The following RAI14 variants were observed in gnomAD, a reference collection of about 807,000 sequenced individuals.
RAI14 encodes retinoic acid induced 14.
RAI14 carries 45 observed loss-of-function variants against 115.4 expected under a neutral mutation model. That is an observed-to-expected ratio of 0.39 (90% CI 0.31 to 0.50). RAI14 has a LOEUF of 0.50. Among genes scored for constraint, RAI14 ranks in the 20% least tolerant of loss-of-function variants. The pLI is 0.85. For synonymous variants in RAI14, 371 were observed against 415.4 expected, an observed-to-expected ratio of 0.89 and a Z score of 1.30; for missense variants, 939 against 1,131.2, an observed-to-expected ratio of 0.83 and a Z score of 2.44.
chr5:34,770,098 G>T (rs1749957096), intron 3 of RAI14, among the ~76,000 whole-genome samples: 1 of 152,180 alleles, frequency 6.6e-6, no homozygotes, highest in Non-Finnish European at 1.5e-5. Flanking sequence ...CATCTCCCGG[G>T]TAGGGGAGCT....
chr5:34,788,338 T>A (rs1752557276), intron 3 of RAI14, among the ~76,000 whole-genome samples: 1 of 152,092 alleles, frequency 6.6e-6, no homozygotes, highest in Non-Finnish European at 1.5e-5. Flanking sequence ...AGAATCTCCC[T>A]CCTCTCCTTC....
At chr5:34,686,077 T>C (rs1327051322) in intron 1 of RAI14, among the ~76,000 whole-genome samples, 1 of 152,060 alleles carries the variant, frequency 6.6e-6, no homozygotes, top group East Asian at 1.9e-4. Context: ...GAAAAATAAA[T>C]AGGGAATGAG....
chr5:34,774,962 C>T (rs1230859056), intron 3 of RAI14, among the ~76,000 whole-genome samples: 1 of 152,076 alleles, frequency 6.6e-6, no homozygotes, highest in Non-Finnish European at 1.5e-5. Context: ...GAAACAAATC[C>T]ATACATCTAC....
At chr5:34,673,972 G>C (rs573444773) in intron 1 of RAI14, among the ~76,000 whole-genome samples, 18 of 152,230 alleles carry the variant, frequency 1.2e-4, no homozygotes, top group African/African-American at 3.6e-4. Context: ...GGGTGGGGAG[G>C]GTAGGAGGGA....
chr5:34,672,599 G>C (rs1743695568), intron 1 of RAI14, among the ~76,000 whole-genome samples: 1 of 152,188 alleles, frequency 6.6e-6, no homozygotes, highest in African/African-American at 2.4e-5. Context: ...GCAGTGTTCT[G>C]TGACAGAAAA....
intron 3 of RAI14, among the ~76,000 whole-genome samples, chr5:34,772,593 G>A (rs995830202): frequency 5.9e-5 from 9 of 152,274 alleles, no homozygotes; most frequent in Admixed American, 3.3e-4. Flanking sequence ...TTATTCAACT[G>A]CCTCAGATTG....
intron 2 of RAI14, among the ~76,000 whole-genome samples, chr5:34,705,799 C>T (rs1385218552): frequency 1.3e-5 from 2 of 152,156 alleles, no homozygotes; most frequent in African/African-American, 2.4e-5. Flanking sequence ...AGACATGCAC[C>T]ACCACATCCG....
At chr5:34,784,095 G>A (rs987858427) in intron 3 of RAI14, among the ~76,000 whole-genome samples, 24 of 152,216 alleles carry the variant, frequency 1.6e-4, no homozygotes, top group East Asian at 9.6e-4. Flanking sequence ...CAAGTTGGGC[G>A]TCGCTGGATA....
chr5:34,688,196 T>A lies in RAI14; in HGVS notation c.36+1241T>A, dbSNP rs778052191. The A allele has an allele frequency of 1.1e-5, 17 of 1,550,762 alleles. No individual in the cohort carries two copies. In the South Asian group the frequency reaches 2.0e-4, roughly 19 times the overall value. On this transcript the variant is annotated intron_variant, in intron 2 of 17. Transcript: ENST00000265109. ...TCCTTCAACCTCATCGTCTGCTGGC[T>A]GTATGTTATGCAGCCTACATATCTC...
chr5:34,695,473 T>A (rs901545732), intron 2 of RAI14, among the ~76,000 whole-genome samples: 1 of 152,240 alleles, frequency 6.6e-6, no homozygotes, highest in African/African-American at 2.4e-5. Context: ...TGCAGTGTGC[T>A]AGCCACTGCC....
chr5:34,752,723 G>GTC (rs1747225086), intron 2 of RAI14, among the ~76,000 whole-genome samples: 1 of 108,814 alleles, frequency 9.2e-6, no homozygotes, highest in African/African-American at 3.8e-5. Flanking sequence ...GTGTGTGTGT[G>GTC]TGTGTGTGTG....
In RAI14 at chr5:34,781,647, T is replaced by C. The variant is rs139815222; in HGVS notation, c.168-14292T>C. 1.8e-3 allele frequency among the ~76,000 whole-genome samples: 268 copies of C among 152,322 alleles called. 1 individual carries two copies. Among genetic ancestry groups the C allele is most frequent in the African/African-American group, 5.8e-3 (243 of 41,574 alleles). ...AGCTCTCATGAATTGCTGATAGAGA[T>C]GTTAAATGGTGCAGCAGCTTTAGAA... On this transcript the variant is annotated intron_variant, in intron 3 of 17. Coordinates refer to ENST00000265109, the MANE Select transcript of RAI14 (RefSeq NM_015577.3).
intron 14 of RAI14, among the ~76,000 whole-genome samples, chr5:34,822,168 A>T (rs967038838): frequency 2.0e-4 from 30 of 147,440 alleles, no homozygotes; most frequent in African/African-American, 7.1e-4. Flanking sequence ...TATGCATAGA[A>T]TGATGCATAA....
intron 2 of RAI14, among the ~76,000 whole-genome samples, chr5:34,706,671 G>GTATAGTTT (rs1206828232): frequency 6.6e-6 from 1 of 152,148 alleles, no homozygotes; most frequent in Non-Finnish European, 1.5e-5. Flanking sequence ...TTCCTGATCT[G>GTATAGTTT]TATAGTTTAT....
chr5:34,709,736 A>G (rs1741162235), intron 2 of RAI14, among the ~76,000 whole-genome samples: 1 of 152,170 alleles, frequency 6.6e-6, no homozygotes, highest in Admixed American at 6.6e-5. Context: ...TGGGTTGGGT[A>G]TTACTTAGGC....
At chr5:34,795,588 A>T (rs1753417222) in intron 3 of RAI14, among the ~76,000 whole-genome samples, 1 of 152,228 alleles carries the variant, frequency 6.6e-6, no homozygotes, top group Non-Finnish European at 1.5e-5. Flanking sequence ...ATTGATAAAG[A>T]CATATTACTT....
At chr5:34,675,187 T>C (rs1743893372) in intron 1 of RAI14, among the ~76,000 whole-genome samples, 1 of 152,174 alleles carries the variant, frequency 6.6e-6, no homozygotes, top group Non-Finnish European at 1.5e-5. Context: ...GAGCCTCCCG[T>C]GCCCAGGCCA....
chr5:34,765,143 T>G (rs552287679), intron 3 of RAI14, among the ~76,000 whole-genome samples: 3 of 152,340 alleles, frequency 2.0e-5, no homozygotes, highest in Admixed American at 1.3e-4. Flanking sequence ...CAATTAAACC[T>G]CTTTTTCTTC....
In RAI14 at chr5:34,713,863, T is replaced by C. The variant is rs562834092; in HGVS notation, c.36+26908T>C. ...CTCTGTCACCCAGGCTGGAGTGCAA[T>C]GGCACAATCTTGGCTCATTGCAACC... On this transcript the variant is annotated intron_variant, in intron 2 of 17. Coordinates refer to ENST00000265109, the MANE Select transcript of RAI14 (RefSeq NM_015577.3). Among the ~76,000 whole-genome samples the C allele has an allele frequency of 9.8e-5, 15 of 152,348 alleles. 1 individual carries two copies. The South Asian group carries it at 3.1e-3, about 32-fold the overall frequency.
Sources: allele counts gnomAD v4.1 joint callset (sites outside exome capture counted in the v4.1 genomes callset), GRCh38; gene constraint gnomAD v4.1.1; transcripts MANE v1.5; gene names NCBI Gene and HGNC (gene_info 2026-07-23, HGNC 2026-07-21).